Variants in MNAT1 observed in about 807,000 individuals in gnomAD.
MNAT1 encodes MNAT1 component of CDK activating kinase.
Under a neutral mutation model 42.0 loss-of-function variants are expected in MNAT1, and 43 were observed. That is an observed-to-expected ratio of 1.02 (90% CI 0.80 to 1.32). MNAT1 has a LOEUF of 1.32. Among genes scored for constraint, MNAT1 ranks in the 40% most tolerant of loss-of-function variants. The pLI, the probability that MNAT1 is intolerant of heterozygous loss-of-function variation, is 0.00. For missense variants in MNAT1, 306 were observed against 350.4 expected (o/e 0.87, Z 1.01); for synonymous variants, 118 against 120.0 (o/e 0.98, Z 0.11).
intron 7 of MNAT1, among the ~76,000 whole-genome samples, chr14:60,939,319 A>G (rs1212709755): frequency 6.6e-6 from 1 of 151,976 alleles, no homozygotes; most frequent in Non-Finnish European, 1.5e-5. Flanking sequence ...TTTAATTGTG[A>G]TGTTAAGATG....
At chr14:60,888,300 A>G (rs542973454) in intron 7 of MNAT1, among the ~76,000 whole-genome samples, 32 of 152,066 alleles carry the variant, frequency 2.1e-4, no homozygotes, top group African/African-American at 7.0e-4. Flanking sequence ...CAACATACAC[A>G]AATCAATAAT....
intron 6 of MNAT1, among the ~76,000 whole-genome samples, chr14:60,859,670 T>A (rs1327598354): frequency 6.6e-6 from 1 of 152,228 alleles, no homozygotes; most frequent in East Asian, 1.9e-4. Context: ...CAATTTTTTT[T>A]AAGCAATAGT....
intron 7 of MNAT1, among the ~76,000 whole-genome samples, chr14:60,967,935 A>G (rs1267936953): frequency 1.3e-5 from 2 of 152,242 alleles, no homozygotes; most frequent in South Asian, 4.1e-4. Context: ...AAAACAAATC[A>G]GCTCTGAAAA....
chr14:60,886,562 T>G (rs1204889326), intron 7 of MNAT1, among the ~76,000 whole-genome samples: 1 of 152,040 alleles, frequency 6.6e-6, no homozygotes, highest in Non-Finnish European at 1.5e-5. Context: ...AATGTAATGT[T>G]TTGATTTTTT....
At chr14:60,780,522 G>A in intron 1 of MNAT1, 1 of 1,531,446 alleles carries the variant, frequency 6.5e-7, no homozygotes, top group Non-Finnish European at 9.0e-7. Context: ...GAGGAAGTCT[G>A]CCTTTGTTCA....
intron 7 of MNAT1, among the ~76,000 whole-genome samples, chr14:60,951,498 G>A (rs989790543): frequency 6.6e-6 from 1 of 151,376 alleles, no homozygotes; most frequent in African/African-American, 2.4e-5. Context: ...ACTATTTTCT[G>A]TCCTTCTGTG....
At chr14:60,880,314 T>C (rs1018284240) in intron 7 of MNAT1, among the ~76,000 whole-genome samples, 4 of 152,168 alleles carry the variant, frequency 2.6e-5, no homozygotes, top group Non-Finnish European at 5.9e-5. Context: ...TCAACAGTCA[T>C]ATTATATATA....
intron 7 of MNAT1, among the ~76,000 whole-genome samples, chr14:60,933,295 T>C (rs1215570765): frequency 6.6e-6 from 1 of 152,084 alleles, no homozygotes; most frequent in Non-Finnish European, 1.5e-5. Flanking sequence ...ATCGACACAA[T>C]GATAAATTGT....
chr14:60,817,126 G>T (rs2032739832), intron 5 of MNAT1, among the ~76,000 whole-genome samples: 1 of 151,884 alleles, frequency 6.6e-6, no homozygotes, highest in South Asian at 2.1e-4. Context: ...TTTAGCTAAG[G>T]AAATTTATTT....
chr14:60,831,283 C>T (rs561505050), intron 6 of MNAT1, among the ~76,000 whole-genome samples: 1 of 152,100 alleles, frequency 6.6e-6, no homozygotes, highest in East Asian at 1.9e-4. Context: ...TACCCATCAA[C>T]CCATCATCTA....
chr14:60,963,950 G>A (rs2036639889), intron 7 of MNAT1, among the ~76,000 whole-genome samples: 1 of 152,150 alleles, frequency 6.6e-6, no homozygotes, highest in African/African-American at 2.4e-5. Context: ...TGAGTGACAA[G>A]CCCTGCCCTC....
At chr14:60,847,358 C>G (rs924677272) in intron 6 of MNAT1, among the ~76,000 whole-genome samples, 1 of 149,658 alleles carries the variant, frequency 6.7e-6, no homozygotes, top group African/African-American at 2.5e-5. Context: ...GAGCCAAGAT[C>G]GCACCACTGC....
intron 7 of MNAT1, among the ~76,000 whole-genome samples, chr14:60,918,544 T>A (rs1240367759): frequency 6.6e-6 from 1 of 151,822 alleles, no homozygotes; most frequent in East Asian, 1.9e-4. Context: ...CCCTTCCAAA[T>A]ACCTTTATGT....
chr14:60,806,045 T>G (rs2032358905), intron 3 of MNAT1, among the ~76,000 whole-genome samples: 1 of 152,210 alleles, frequency 6.6e-6, no homozygotes, highest in South Asian at 2.1e-4. Context: ...CATTTTATGT[T>G]GTCATTGGAG....
intron 4 of MNAT1, 56 bp from the exon 5 acceptor site, chr14:60,811,931 A>C (rs376318250): frequency 2.5e-5 from 35 of 1,399,760 alleles, no homozygotes; most frequent in Admixed American, 1.9e-4. Flanking sequence ...AGTGTGGTAT[A>C]TGATTGCTCT....
intron 1 of MNAT1, among the ~76,000 whole-genome samples, chr14:60,793,470 G>GT (rs2031895810): frequency 1.3e-5 from 2 of 151,468 alleles, no homozygotes; most frequent in South Asian, 4.2e-4. Context: ...TCAAGTGATT[G>GT]TCCTGCCTCA....
At position 60,840,277 on chromosome 14, in the gene MNAT1, G is replaced by A. The variant is rs540155045; in HGVS notation, c.687+21430G>A. On this transcript the variant is annotated intron_variant, in intron 6 of 7. Coordinates refer to ENST00000261245, the MANE Select transcript of MNAT1 (RefSeq NM_002431.4). ...ATGCCTGTGTGAGAAAATGAAAAGG[G>A]AGCTGTAGGAGACTAAGAGAGTCAT... is the stretch of plus-strand genomic sequence containing the variant. Among the ~76,000 whole-genome samples, 5 of 152,338 alleles carry A rather than the reference G, an allele frequency of 3.3e-5. No individual in the cohort carries two copies. The South Asian group carries it at 1.0e-3, about 32-fold the overall frequency.
chr14:60,825,256 C>T (rs748714927), intron 6 of MNAT1, among the ~76,000 whole-genome samples: 1 of 152,164 alleles, frequency 6.6e-6, no homozygotes, highest in Non-Finnish European at 1.5e-5. Context: ...AAATAAAAAT[C>T]ACAGTTGGTT....
At chr14:60,804,547 A>G (rs560794771) in intron 3 of MNAT1, among the ~76,000 whole-genome samples, 9 of 151,802 alleles carry the variant, frequency 5.9e-5, no homozygotes, top group Non-Finnish European at 1.0e-4. Flanking sequence ...TTTTTTAGAG[A>G]TAGGGTCTCA....
Sources: allele counts gnomAD v4.1 joint callset (sites outside exome capture counted in the v4.1 genomes callset), GRCh38; gene constraint gnomAD v4.1.1; transcripts MANE v1.5; gene names NCBI Gene and HGNC (gene_info 2026-07-23, HGNC 2026-07-21).